PAX5: variants seen among roughly 807,000 people sequenced by gnomAD.
PAX5 encodes the protein paired box protein Pax-5.
A neutral mutation model predicts 43.7 loss-of-function variants in PAX5; 9 were observed. That is an observed-to-expected ratio of 0.21 (90% CI 0.12 to 0.36). PAX5 has a LOEUF of 0.36. PAX5 is among the 10% of genes least tolerant of loss of function. The pLI, the probability that PAX5 is intolerant of heterozygous loss-of-function variation, is 1.00. For synonymous variants in PAX5, 228 were observed against 214.3 expected, an observed-to-expected ratio of 1.06 and a Z score of -0.56; for missense variants, 383 against 532.7, an observed-to-expected ratio of 0.72 and a Z score of 2.77.
At chr9:36,994,691 A>T (rs1022044464) in intron 5 of PAX5, among the ~76,000 whole-genome samples, 1 of 152,204 alleles carries the variant, frequency 6.6e-6, no homozygotes, top group Non-Finnish European at 1.5e-5. Context: ...AGCGCATGAG[A>T]ACTCGGGCCC....
Position 37,015,030 on chromosome 9 carries a change from T to G in PAX5, c.377A>C (p.Asn126Thr), listed in dbSNP as rs1839277394. 14 of 1,614,030 alleles carry G rather than the reference T, an allele frequency of 8.7e-6. No individual in the cohort carries two copies. The highest frequency in any genetic ancestry group is 1.2e-5 in the Non-Finnish European group (14 of 1,180,036). The change falls in exon 3 of 10, where the codon AAT becomes ACT. Residue 126 changes from asparagine (N) to threonine (T), a missense_variant. Transcript: ENST00000358127. The surrounding 1 kb of genome is among the most constrained non-coding windows in gnomAD (Gnocchi z 4.4). Reference protein sequence around the residue: ...DRLLAERVCDNDTVPSVSSIN... With the variant: ...DRLLAERVCDTDTVPSVSSIN... ...GGAACTGACGCTAGGCACGGTGTCATTGTCACACACCCGCTCTGCCAGCAG... is the reference window on the plus strand; with the variant it reads ...GGAACTGACGCTAGGCACGGTGTCAGTGTCACACACCCGCTCTGCCAGCAG...
chr9:36,940,580 G>A (rs1831967770), intron 6 of PAX5, among the ~76,000 whole-genome samples: 1 of 152,144 alleles, frequency 6.6e-6, no homozygotes, highest in Non-Finnish European at 1.5e-5. Flanking sequence ...TCCCCAGGGT[G>A]CCTGGAGGAG....
intron 4 of PAX5, among the ~76,000 whole-genome samples, chr9:37,004,821 G>A (rs968750658): frequency 2.6e-5 from 4 of 152,108 alleles, no homozygotes; most frequent in African/African-American, 7.2e-5. Context: ...TTGTGATTGC[G>A]CTAGGCTCAA....
At chr9:36,989,096 G>C (rs896396837) in intron 5 of PAX5, among the ~76,000 whole-genome samples, 5 of 152,222 alleles carry the variant, frequency 3.3e-5, no homozygotes, top group Non-Finnish European at 5.9e-5. Context: ...ACAGGGAAGT[G>C]TGCGCAGCAG....
intron 7 of PAX5, among the ~76,000 whole-genome samples, chr9:36,886,795 A>G (rs1385644337): frequency 6.6e-6 from 1 of 152,232 alleles, no homozygotes; most frequent in Non-Finnish European, 1.5e-5. Context: ...TGCATTCCTA[A>G]CATAATTCCT....
chr9:36,977,513 T>C (rs1047893007), intron 5 of PAX5, among the ~76,000 whole-genome samples: 1 of 151,910 alleles, frequency 6.6e-6, no homozygotes, highest in African/African-American at 2.4e-5. Flanking sequence ...TTGTTTGTTT[T>C]TTTTGGGGTT....
At chr9:36,994,344 G>A (rs947660192) in intron 5 of PAX5, among the ~76,000 whole-genome samples, 7 of 152,160 alleles carry the variant, frequency 4.6e-5, no homozygotes, top group African/African-American at 7.2e-5. Flanking sequence ...CCAAGCCTGC[G>A]CCCTCTGTGC....
Position 36,838,337 on chromosome 9 carries a change from C to T in PAX5, c.*2223G>A. 1 of 232,444 alleles carries T rather than the reference C, an allele frequency of 4.3e-6. No individual in the cohort carries two copies. Among genetic ancestry groups the T allele is most frequent in the Non-Finnish European group, 8.5e-6 (1 of 117,580 alleles). 14.4% of individuals were successfully genotyped at this position (232,444 alleles called of 1,614,324 possible). A position where few individuals can be genotyped will look rare whatever the true frequency, so the allele number is the denominator to read the frequency against. ...CACTGCTCTTACTGTCAACTCTCCT[C>T]AGGAATAGGAGATGTGGATAGACCA... On this transcript the variant is annotated 3_prime_UTR_variant, in exon 10 of 10. Coordinates refer to ENST00000358127, the MANE Select transcript of PAX5 (RefSeq NM_016734.3).
rs931611936 is a variant in PAX5 at position 36,893,763 on chromosome 9, G to A, written c.911-11658C>T. On this transcript the variant is annotated intron_variant, in intron 7 of 9. Coordinates refer to ENST00000358127, the MANE Select transcript of PAX5 (RefSeq NM_016734.3). ...TCTGGGGTACTTGGTGGAAGGATGA[G>A]CCGCCCACTTACAGACGTGCAGAGC... Among the ~76,000 whole-genome samples the A allele has an allele frequency of 5.9e-5, 9 of 152,316 alleles. No homozygotes were observed. The South Asian group carries it at 1.9e-3, about 32-fold the overall frequency.
chr9:36,932,155 C>T (rs991710734), intron 6 of PAX5, among the ~76,000 whole-genome samples: 1 of 152,054 alleles, frequency 6.6e-6, no homozygotes, highest in African/African-American at 2.4e-5. Context: ...TGCCTGTAGT[C>T]CCAGCTATTT....
At chr9:37,033,825 T>G (rs1841254400) in intron 1 of PAX5, among the ~76,000 whole-genome samples, 161 bp downstream of exon 1, 1 of 152,116 alleles carries the variant, frequency 6.6e-6, no homozygotes, top group Non-Finnish European at 1.5e-5. Context: ...TGCAGAAGTG[T>G]GTGAACAGAT....
chr9:36,974,062 C>G (rs1028961169), intron 5 of PAX5, among the ~76,000 whole-genome samples: 2 of 151,996 alleles, frequency 1.3e-5, no homozygotes, highest in African/African-American at 4.8e-5. Flanking sequence ...GGCCTGTAGT[C>G]CCAGCTACTT....
Position 37,006,010 on chromosome 9 carries a change from G to A in PAX5, c.475+463C>T, listed in dbSNP as rs559328626. Among the ~76,000 whole-genome samples the A allele has an allele frequency of 4.6e-5, 7 of 152,326 alleles. No homozygotes were observed. The South Asian group carries it at 1.4e-3, about 32-fold the overall frequency. ...ATGAGATCGAAGCAAGAGAGAGAGA[G>A]AAAGTAAGTTTGGGAACTTTTGCCA... On this transcript the variant is annotated intron_variant, in intron 4 of 9. Coordinates refer to ENST00000358127, the MANE Select transcript of PAX5 (RefSeq NM_016734.3).
At chr9:37,030,632 AT>A (rs1188983697) in intron 1 of PAX5, among the ~76,000 whole-genome samples, 1 of 152,230 alleles carries the variant, frequency 6.6e-6, no homozygotes, top group Non-Finnish European at 1.5e-5. Flanking sequence ...AAGAAACTCA[AT>A]TTATGTGAAC....
intron 2 of PAX5, among the ~76,000 whole-genome samples, chr9:37,017,046 T>A (rs1839444363): frequency 6.6e-6 from 1 of 152,226 alleles, no homozygotes; most frequent in South Asian, 2.1e-4. Flanking sequence ...AAATTATTAC[T>A]CACAAACAAC....
intron 6 of PAX5, among the ~76,000 whole-genome samples, chr9:36,935,643 C>T (rs1409089731): frequency 6.6e-6 from 1 of 152,206 alleles, no homozygotes; most frequent in Non-Finnish European, 1.5e-5. Context: ...CTTTTCTTCC[C>T]CTGTCCTCTT....
At chr9:36,974,370 C>T (rs891353185) in intron 5 of PAX5, among the ~76,000 whole-genome samples, 8 of 152,142 alleles carry the variant, frequency 5.3e-5, no homozygotes, top group African/African-American at 1.7e-4. Flanking sequence ...CCGGATAGAG[C>T]GCTGTTCAGT....
chr9:36,981,776 A>G (rs1454277677), intron 5 of PAX5, among the ~76,000 whole-genome samples: 1 of 152,256 alleles, frequency 6.6e-6, no homozygotes, highest in Non-Finnish European at 1.5e-5. Context: ...GCCACTTGCC[A>G]GCTGTGTGAT....
intron 9 of PAX5, among the ~76,000 whole-genome samples, chr9:36,841,947 C>T (rs1200674694): frequency 2.0e-5 from 3 of 152,104 alleles, no homozygotes; most frequent in Non-Finnish European, 4.4e-5. Context: ...GGGGCTGAGT[C>T]CTGGAGTCTG....
Sources: gnomAD v4.1 joint callset for allele counts (sites outside exome capture counted in the v4.1 genomes callset) on GRCh38, gnomAD v4.1.1 for gene constraint, Gnocchi (gnomAD v3.1) non-coding constraint, MANE v1.5 for transcripts, NCBI Gene and HGNC (gene_info 2026-07-23, HGNC 2026-07-21) for gene names.